Variants in FAF1 observed in about 807,000 individuals in gnomAD.
FAF1 encodes FAS-associated factor 1.
Under a neutral mutation model 92.5 loss-of-function variants are expected in FAF1, and 25 were observed. The ratio of observed to expected loss-of-function variants is 0.27; its 90% CI spans 0.20 to 0.38. The LOEUF (loss-of-function observed/expected upper bound fraction) is 0.38, where lower values mean the gene tolerates loss of function less well. Among genes scored for constraint, FAF1 ranks in the 10% least tolerant of loss-of-function variants. The pLI is 1.00. For missense variants in FAF1, 636 were observed against 793.3 expected (o/e 0.80, Z 2.38); for synonymous variants, 234 against 273.2 (o/e 0.86, Z 1.42).
At chr1:50,885,747 G>C (rs909449373) in intron 1 of FAF1, among the ~76,000 whole-genome samples, 2 of 152,004 alleles carry the variant, frequency 1.3e-5, no homozygotes, top group Admixed American at 1.3e-4. Context: ...TTGTTTTGTG[G>C]TATTCTCTTC....
chr1:50,452,245 A>G, intron 18 of FAF1: 1 of 979,832 alleles, frequency 1.0e-6, no homozygotes, highest in Non-Finnish European at 1.4e-6. Context: ...TTACAGAACA[A>G]TTTGCAAGCT....
intron 4 of FAF1, among the ~76,000 whole-genome samples, chr1:50,770,187 C>A (rs1470618603): frequency 6.6e-6 from 1 of 152,096 alleles, no homozygotes; most frequent in African/African-American, 2.4e-5. Context: ...CCCTTGAAAC[C>A]AGAACAAGAA....
At chr1:50,937,102 G>A (rs1330627842) in intron 1 of FAF1, among the ~76,000 whole-genome samples, 1 of 152,058 alleles carries the variant, frequency 6.6e-6, no homozygotes, top group Non-Finnish European at 1.5e-5. Context: ...TAGGATGAGG[G>A]AGGTATGCCT....
chr1:50,518,092 ATATCCCTTGTGG>A (rs1473947847), intron 15 of FAF1, among the ~76,000 whole-genome samples: 1 of 152,134 alleles, frequency 6.6e-6, no homozygotes, highest in Non-Finnish European at 1.5e-5. Flanking sequence ...CATACAAAAA[ATATCCCTTGTGG>A]TATCCCTTGC....
chr1:50,566,004 T>A (rs891070987), intron 13 of FAF1, among the ~76,000 whole-genome samples: 3 of 152,108 alleles, frequency 2.0e-5, no homozygotes, highest in African/African-American at 7.2e-5. Context: ...TGATTTAATT[T>A]AAACAAATAC....
intron 2 of FAF1, among the ~76,000 whole-genome samples, chr1:50,848,068 G>A (rs1311003454): frequency 6.6e-6 from 1 of 151,998 alleles, no homozygotes; most frequent in Non-Finnish European, 1.5e-5. Flanking sequence ...GCCAACAAAT[G>A]TACTCTACAA....
chr1:50,895,850 G>C (rs1415807512), intron 1 of FAF1, among the ~76,000 whole-genome samples: 2 of 151,696 alleles, frequency 1.3e-5, no homozygotes, highest in East Asian at 3.9e-4. Context: ...ATCCCTTCAT[G>C]ATTTTAAAAA....
intron 15 of FAF1, among the ~76,000 whole-genome samples, chr1:50,513,254 C>T (rs1466641711): frequency 6.6e-6 from 1 of 152,088 alleles, no homozygotes; most frequent in African/African-American, 2.4e-5. Context: ...CCAAGGCGGG[C>T]AGATTGCTTG....
chr1:50,748,450 T>G (rs1388160679), intron 4 of FAF1, among the ~76,000 whole-genome samples: 1 of 148,424 alleles, frequency 6.7e-6, no homozygotes, highest in Non-Finnish European at 1.5e-5. Flanking sequence ...TGAGCCAAGA[T>G]TGCACCACTG....
rs536358305 is a variant in FAF1, at chr1:50,617,264, T to C, written c.745-21048A>G. The stretch of plus-strand genomic sequence containing the variant: ...CAGCTTTTGTCCATTCAGTATAATG[T>C]TAGCTGTGGGTTTGTGGTTAATGAT... On this transcript the variant is annotated intron_variant, in intron 8 of 18. Transcript: ENST00000396153. 4.6e-5 allele frequency among the ~76,000 whole-genome samples: 7 copies of C among 152,306 alleles called. No individual in the cohort carries two copies. The South Asian group carries it at 1.5e-3, about 32-fold the overall frequency.
At chr1:50,761,107 C>T (rs1188576162) in intron 4 of FAF1, among the ~76,000 whole-genome samples, 2 of 152,110 alleles carry the variant, frequency 1.3e-5, no homozygotes, top group Admixed American at 6.5e-5. Context: ...ATAAATTCCT[C>T]AACACATACA....
At chr1:50,894,346 A>G (rs1182491874) in intron 1 of FAF1, among the ~76,000 whole-genome samples, 2 of 148,978 alleles carry the variant, frequency 1.3e-5, no homozygotes, top group Non-Finnish European at 3.0e-5. Context: ...AGGGCTCTTC[A>G]GTCAACTTGT....
At position 50,637,273 on chromosome 1, in the gene FAF1, T is replaced by TAAA. The variant is rs1172030649; in HGVS notation, c.744+18166_744+18168dup. Among the ~76,000 whole-genome samples the TAAA allele has an allele frequency of 1.0e-3, 101 of 97,210 alleles. 3 individuals are homozygous for TAAA. Among genetic ancestry groups the TAAA allele is most frequent in the African/African-American group, 3.7e-3 (94 of 25,286 alleles). 63.8% of individuals were successfully genotyped at this position (97,210 alleles called of 152,430 possible). ...AAACATGGTAAAACCCCATTTCTACTAAAAAAAAAAAAAAAAAAAAAATAC... is the reference window on the plus strand; with the variant it reads ...AAACATGGTAAAACCCCATTTCTACTAAAAAAAAAAAAAAAAAAAAAAAAATAC... On this transcript the variant is annotated intron_variant, in intron 8 of 18. Coordinates refer to ENST00000396153, the MANE Select transcript of FAF1 (RefSeq NM_007051.3).
At chr1:50,710,496 G>T (rs550393366) in intron 6 of FAF1, among the ~76,000 whole-genome samples, 8 of 152,152 alleles carry the variant, frequency 5.3e-5, no homozygotes, top group Admixed American at 3.9e-4. Context: ...CATATTTATT[G>T]AGTGTCTAAC....
chr1:50,908,688 T>A (rs1042170894), intron 1 of FAF1, among the ~76,000 whole-genome samples: 1 of 151,776 alleles, frequency 6.6e-6, no homozygotes, highest in African/African-American at 2.4e-5. Context: ...GAGACTAGGA[T>A]TGCAACCCCT....
At chr1:50,631,608 A>G (rs1653793470) in intron 8 of FAF1, among the ~76,000 whole-genome samples, 1 of 152,206 alleles carries the variant, frequency 6.6e-6, no homozygotes, top group South Asian at 2.1e-4. Context: ...CTTAATAAGA[A>G]AAAACAATCA....
chr1:50,448,405 C>A (rs1646254178), intron 18 of FAF1, among the ~76,000 whole-genome samples: 2 of 152,034 alleles, frequency 1.3e-5, no homozygotes, highest in African/African-American at 2.4e-5. Context: ...TTGTGAGGGT[C>A]AATAATATAA....
intron 12 of FAF1, among the ~76,000 whole-genome samples, chr1:50,571,432 T>A (rs1650432457): frequency 6.6e-6 from 1 of 152,216 alleles, no homozygotes; most frequent in Admixed American, 6.5e-5. Flanking sequence ...TCGCAGATAA[T>A]GTAGGTTAAG....
At chr1:50,511,916 G>C (rs1647139634) in intron 15 of FAF1, among the ~76,000 whole-genome samples, 1 of 152,166 alleles carries the variant, frequency 6.6e-6, no homozygotes, top group Admixed American at 6.5e-5. Flanking sequence ...ATTGTTCCCT[G>C]ACTTTTTAAT....
Sources: gnomAD v4.1 joint callset for allele counts (sites outside exome capture counted in the v4.1 genomes callset) on GRCh38, gnomAD v4.1.1 for gene constraint, MANE v1.5 for transcripts, NCBI Gene and HGNC (gene_info 2026-07-23, HGNC 2026-07-21) for gene names.